Variants in LYRM4 observed in about 807,000 individuals in gnomAD.
The protein encoded by LYRM4 is LYR motif-containing protein 4.
In LYRM4, 9 loss-of-function variants were observed where a neutral mutation model predicts 11.7. The ratio of observed to expected loss-of-function variants is 0.77; its 90% CI spans 0.46 to 1.34. The LOEUF is 1.34. Ranked by LOEUF, LYRM4 falls within the 40% of genes most tolerant of loss-of-function variation. The pLI is 0.00. For missense variants in LYRM4, 133 were observed against 112.5 expected (o/e 1.18, Z -0.82); for synonymous variants, 42 against 40.4 (o/e 1.04, Z -0.15).
At chr6:5,099,388 T>C (rs1490392565), downstream of LYRM4, among the ~76,000 whole-genome samples, 1 of 126,732 alleles carries the variant, frequency 7.9e-6, no homozygotes, top group East Asian at 2.3e-4. This position sits in a 1 kb window ranked among gnomAD's most constrained non-coding sequence, Gnocchi z 4.3. Context: ...AAAAAATCTA[T>C]TTCTCTATCT....
At chr6:5,085,321 G>A in the LYRM4 span, 3 of 554,480 alleles carry the variant, frequency 5.4e-6, no homozygotes, top group Non-Finnish European at 9.3e-6. Flanking sequence ...CTAAAAGCCG[G>A]AGGCTCCAAA....
chr6:5,084,309 C>A, the LYRM4 span, among the ~76,000 whole-genome samples: 1 of 152,244 alleles, frequency 6.6e-6, no homozygotes, highest in African/African-American at 2.4e-5. Flanking sequence ...CCCTCCCCGG[C>A]CTCAGGTTCG....
intron 2 of LYRM4, among the ~76,000 whole-genome samples, chr6:5,127,240 G>A (rs1205956219): frequency 2.0e-5 from 3 of 152,136 alleles, no homozygotes; most frequent in Non-Finnish European, 2.9e-5. Flanking sequence ...ATGTGCCACC[G>A]TGCCTGGCCT....
intron 2 of LYRM4, among the ~76,000 whole-genome samples, chr6:5,152,850 C>T (rs1758169692): frequency 6.6e-6 from 1 of 152,226 alleles, no homozygotes; most frequent in Non-Finnish European, 1.5e-5. Context: ...AACTCTTTAC[C>T]CACTGCCCTG....
intron 2 of LYRM4, among the ~76,000 whole-genome samples, chr6:5,110,650 G>T (rs188375889): frequency 6.1e-4 from 93 of 152,238 alleles, no homozygotes; most frequent in Middle Eastern, 3.4e-3. Flanking sequence ...GGGATGGGGG[G>T]ATCTTGCAGG....
intron 2 of LYRM4, among the ~76,000 whole-genome samples, chr6:5,112,101 G>A (rs1054210439): frequency 1.2e-4 from 19 of 152,166 alleles, no homozygotes; most frequent in East Asian, 7.7e-4. Context: ...TGCCCCCTCC[G>A]GAAGGGAGGG....
chr6:5,077,646 T>C, the LYRM4 span, among the ~76,000 whole-genome samples: 42 of 152,210 alleles, frequency 2.8e-4, no homozygotes, highest in African/African-American at 1.0e-3. Flanking sequence ...TACCTGAGAA[T>C]AAAAACTTGA....
intron 2 of LYRM4, chr6:5,144,225 C>G (rs1299514638): frequency 6.5e-7 from 1 of 1,537,060 alleles, no homozygotes; most frequent in Non-Finnish European, 8.7e-7. Flanking sequence ...GCTGCTGTTC[C>G]CCGACTTCCT....
the LYRM4 span, among the ~76,000 whole-genome samples, chr6:5,056,839 G>A: frequency 3.3e-5 from 5 of 152,130 alleles, no homozygotes; most frequent in Non-Finnish European, 7.4e-5. Flanking sequence ...AATATTTATA[G>A]TTTATCCATT....
At chr6:5,133,493 T>G (rs1329872355) in intron 2 of LYRM4, among the ~76,000 whole-genome samples, 1 of 152,188 alleles carries the variant, frequency 6.6e-6, no homozygotes, top group Non-Finnish European at 1.5e-5. Context: ...AAACCTTGCG[T>G]GTACACTGGC....
chr6:5,220,332 G>A (rs1236485911), intron 1 of LYRM4, among the ~76,000 whole-genome samples: 1 of 152,146 alleles, frequency 6.6e-6, no homozygotes, highest in African/African-American at 2.4e-5. Flanking sequence ...AATGTGTGAT[G>A]TGGAAACCAC....
At chr6:5,050,039 G>C in the LYRM4 span, among the ~76,000 whole-genome samples, 1 of 152,258 alleles carries the variant, frequency 6.6e-6, no homozygotes, top group Non-Finnish European at 1.5e-5. Context: ...CCTGCACTAA[G>C]AAGCACTCTG....
At chr6:5,057,944 G>T in the LYRM4 span, among the ~76,000 whole-genome samples, 1 of 152,054 alleles carries the variant, frequency 6.6e-6, no homozygotes, top group South Asian at 2.1e-4. Context: ...TAGAGATGGG[G>T]TCACTTTATG....
chr6:5,242,663 G>A (rs944683264), intron 1 of LYRM4, among the ~76,000 whole-genome samples: 1 of 151,550 alleles, frequency 6.6e-6, no homozygotes, highest in Non-Finnish European at 1.5e-5. Context: ...AGGCTGCAAT[G>A]AGCCAAGATC....
chr6:5,034,753 C>CTTTTTTTTTTTTTTTTTTTT, the LYRM4 span: 3 of 93,884 alleles, frequency 3.2e-5, no homozygotes, highest in South Asian at 4.1e-4. Context: ...TACAGCAATG[C>CTTTTTTTTTTTTTTTTTTTT]TTTTTTTTTT....
intron 1 of LYRM4, among the ~76,000 whole-genome samples, chr6:5,251,980 C>T (rs2773313): frequency 1.3e-5 from 2 of 151,894 alleles, no homozygotes; most frequent in South Asian, 2.1e-4. Context: ...TTCCTAAACA[C>T]GAATCATTAT....
At chr6:5,216,809 A>G in intron 1 of LYRM4, 71 bp from the exon 2 acceptor site, 1 of 1,545,134 alleles carries the variant, frequency 6.5e-7, no homozygotes, top group Non-Finnish European at 8.7e-7. Flanking sequence ...AATGAATTTT[A>G]AAGTTTTTCC....
intron 2 of LYRM4, among the ~76,000 whole-genome samples, chr6:5,180,891 C>T (rs1309161552): frequency 6.6e-6 from 1 of 152,216 alleles, no homozygotes; most frequent in Admixed American, 6.5e-5. Context: ...TTTGTTATCA[C>T]TGCTGTACAG....
At chr6:5,209,336 A>T (rs1044637149) in intron 2 of LYRM4, among the ~76,000 whole-genome samples, 1 of 152,152 alleles carries the variant, frequency 6.6e-6, no homozygotes, top group East Asian at 1.9e-4. Flanking sequence ...ACCTCAAGTG[A>T]TCCACCCACC....
Sources: gnomAD v4.1 joint callset for allele counts (sites outside exome capture counted in the v4.1 genomes callset) on GRCh38, gnomAD v4.1.1 for gene constraint, Gnocchi (gnomAD v3.1) non-coding constraint, MANE v1.5 for transcripts, NCBI Gene and HGNC (gene_info 2026-07-23, HGNC 2026-07-21) for gene names.